Variants in RABEPK observed in about 807,000 individuals in gnomAD.
The protein encoded by RABEPK is Rab9 effector protein with kelch motifs.
In RABEPK, 27 loss-of-function variants were observed where a neutral mutation model predicts 34.1. That is an observed-to-expected ratio of 0.79 (90% CI 0.58 to 1.09). RABEPK has a LOEUF of 1.09. Ranked by LOEUF, RABEPK falls within the 50% of genes least tolerant of loss-of-function variation. The probability of loss-of-function intolerance (pLI) is 0.00; values close to 1 mark genes in which losing one functional copy is unlikely to be tolerated. For synonymous variants in RABEPK, 172 were observed against 169.2 expected (o/e 1.02, Z -0.13); for missense variants, 449 against 462.6 (o/e 0.97, Z 0.27).
intron 5 of RABEPK, among the ~76,000 whole-genome samples, chr9:125,226,396 G>A (rs1240454190): frequency 3.3e-5 from 5 of 151,308 alleles, no homozygotes; most frequent in Non-Finnish European, 7.4e-5. Flanking sequence ...AGTCATTAAG[G>A]GATGAAATTG....
rs772773207 is a variant in RABEPK, at chr9:125,228,031, C to A, written c.648C>A (p.Phe216Leu). Residue 216 changes from phenylalanine to leucine, a missense_variant, in exon 6 of 8, where the codon TTC becomes TTA. By Grantham distance (22) the Phe-to-Leu change is conservative. Transcript: ENST00000373538. ...FIHGGLAGDR[F>L]YDDLHCIDIS... is the part of the protein sequence containing the mutation. ...ACGGAGGCTTGGCGGGGGACAGATT[C>A]TATGATGACCTCCACTGCATTGATA... The A allele has an allele frequency of 3.1e-6, 5 of 1,602,052 alleles. No homozygotes were observed. Among genetic ancestry groups the A allele is most frequent in the African/African-American group, 1.3e-5 (1 of 74,556 alleles).
chr9:125,208,329 T>C (rs1224692809), intron 3 of RABEPK, among the ~76,000 whole-genome samples: 2 of 152,160 alleles, frequency 1.3e-5, no homozygotes, highest in Non-Finnish European at 2.9e-5. Flanking sequence ...TCTATTCACA[T>C]ATCCAATATA....
At chr9:125,221,634 C>G (rs1831340122) in intron 5 of RABEPK, 1 of 151,726 alleles carries the variant, frequency 6.6e-6, no homozygotes, top group Non-Finnish European at 1.5e-5. Context: ...TTCAGCCTTT[C>G]CTTTCCCCGC....
At chr9:125,211,687 C>A (rs1035846352) in intron 3 of RABEPK, among the ~76,000 whole-genome samples, 7 of 152,152 alleles carry the variant, frequency 4.6e-5, no homozygotes, top group Middle Eastern at 3.4e-3. Flanking sequence ...CTAAAAAAAT[C>A]AAAGGTAGGC....
At chr9:125,225,354 T>G (rs1366409390) in intron 5 of RABEPK, among the ~76,000 whole-genome samples, 2 of 149,244 alleles carry the variant, frequency 1.3e-5, no homozygotes, top group Non-Finnish European at 3.0e-5. Flanking sequence ...GCCATTGCAC[T>G]CCAGCCTAGG....
chr9:125,225,453 G>C (rs527739573), intron 5 of RABEPK, among the ~76,000 whole-genome samples: 3 of 151,360 alleles, frequency 2.0e-5, no homozygotes, highest in South Asian at 2.1e-4. Flanking sequence ...GGAGGCCCAG[G>C]GGGGTGGATC....
intron 4 of RABEPK, among the ~76,000 whole-genome samples, chr9:125,216,435 G>A (rs1830930330): frequency 6.6e-6 from 1 of 151,316 alleles, no homozygotes; most frequent in South Asian, 2.1e-4. Flanking sequence ...AAAAACTATT[G>A]TACAATAGTT....
At chr9:125,224,059 G>A (rs768545465) in intron 5 of RABEPK, among the ~76,000 whole-genome samples, 4 of 151,882 alleles carry the variant, frequency 2.6e-5, no homozygotes, top group African/African-American at 4.8e-5. Context: ...TCCAGGCATG[G>A]CGGCAGGTGC....
At chr9:125,229,801 A>C (rs1832044663) in intron 6 of RABEPK, among the ~76,000 whole-genome samples, 1 of 152,198 alleles carries the variant, frequency 6.6e-6, no homozygotes, top group Non-Finnish European at 1.5e-5. Flanking sequence ...AACATGAGAA[A>C]TATCCTTTAA....
At chr9:125,215,915 G>A (rs192449136) in intron 4 of RABEPK, among the ~76,000 whole-genome samples, 1 of 152,244 alleles carries the variant, frequency 6.6e-6, no homozygotes, top group Admixed American at 6.5e-5. Context: ...GTTTAACAGT[G>A]TTTCTTTCAT....
At position 125,227,964 on chromosome 9, in the gene RABEPK, A is replaced by G. The variant is rs1831881557; in HGVS notation, c.581A>G (p.His194Arg). Residue 194 changes from histidine (H) to arginine (R), a missense_variant, in exon 6 of 8, where the codon CAT (histidine) becomes CGT (arginine). Coordinates refer to ENST00000373538, the MANE Select transcript of RABEPK (RefSeq NM_005833.4). ...CTTGGAAATCCTCCATCTCCCCGGC[A>G]TGGTCATGTGATGGTGGCAGCAGGG... ...ETLGNPPSPRHGHVMVAAGTK... is the reference protein window; with the variant it reads ...ETLGNPPSPRRGHVMVAAGTK... 6.2e-7 allele frequency: 1 copy of G among 1,609,186 alleles called. No individual in the cohort carries two copies. The highest frequency in any genetic ancestry group is 1.3e-5 in the African/African-American group (1 of 74,734).
At chr9:125,204,363 C>G (rs1830088235) in intron 2 of RABEPK, among the ~76,000 whole-genome samples, 1 of 152,164 alleles carries the variant, frequency 6.6e-6, no homozygotes, top group African/African-American at 2.4e-5. Context: ...GGGTGGATCA[C>G]TTGAAGCCAG....
At chr9:125,209,718 C>T (rs560750103) in intron 3 of RABEPK, among the ~76,000 whole-genome samples, 4 of 152,180 alleles carry the variant, frequency 2.6e-5, no homozygotes, top group Non-Finnish European at 5.9e-5. Context: ...TCCTTGAACA[C>T]AGCTTGAGCT....
intron 3 of RABEPK, among the ~76,000 whole-genome samples, chr9:125,209,455 T>C (rs1003323256): frequency 5.9e-5 from 9 of 152,022 alleles, no homozygotes; most frequent in Non-Finnish European, 8.8e-5. Context: ...GTTCAAGCGA[T>C]TCTCCTGCCT....
At position 125,224,395 on chromosome 9, in the gene RABEPK, A is replaced by G. The variant is rs1457846566; in HGVS notation, c.527-3515A>G. Among the ~76,000 whole-genome samples, 4 of 150,980 alleles carry G rather than the reference A, an allele frequency of 2.6e-5. No individual in the cohort carries two copies. The East Asian group carries it at 7.8e-4, about 29-fold the overall frequency. ...TGTATTGGGTACTTTTTTTTCCTTC[A>G]TGCTTTATGTATATTATCTCATTTA... On this transcript the variant is annotated intron_variant, in intron 5 of 7. Transcript: ENST00000373538.
At chr9:125,217,759 G>T (rs941142518) in intron 4 of RABEPK, among the ~76,000 whole-genome samples, 3 of 152,042 alleles carry the variant, frequency 2.0e-5, no homozygotes, top group Non-Finnish European at 2.9e-5. Flanking sequence ...ACAGCCCTAG[G>T]GTCTTCTGGG....
At chr9:125,217,669 C>G (rs1831020591) in intron 4 of RABEPK, among the ~76,000 whole-genome samples, 1 of 152,094 alleles carries the variant, frequency 6.6e-6, no homozygotes, top group Non-Finnish European at 1.5e-5. Flanking sequence ...TACTTAGTTG[C>G]ATTTGTTACC....
intron 5 of RABEPK, among the ~76,000 whole-genome samples, chr9:125,225,822 G>T (rs1427674865): frequency 2.6e-5 from 4 of 151,880 alleles, no homozygotes; most frequent in Non-Finnish European, 5.9e-5. Context: ...AATTAGCCGG[G>T]CTTGGTGGTA....
At chr9:125,230,715 T>C (rs1186354554) in intron 6 of RABEPK, among the ~76,000 whole-genome samples, 4 of 151,558 alleles carry the variant, frequency 2.6e-5, no homozygotes. Flanking sequence ...TTTTGTATTT[T>C]TAGTAGAGAC....
Sources: allele counts gnomAD v4.1 joint callset (sites outside exome capture counted in the v4.1 genomes callset), GRCh38; gene constraint gnomAD v4.1.1; transcripts MANE v1.5; gene names NCBI Gene and HGNC (gene_info 2026-07-23, HGNC 2026-07-21).